PDE4A: variants seen among roughly 807,000 people sequenced by gnomAD.
PDE4A encodes 3',5'-cyclic-AMP phosphodiesterase 4A.
A neutral mutation model predicts 73.9 loss-of-function variants in PDE4A; 21 were observed. The ratio of observed to expected loss-of-function variants is 0.28; its 90% CI spans 0.20 to 0.41. The LOEUF (loss-of-function observed/expected upper bound fraction) is 0.41, where lower values mean the gene tolerates loss of function less well. Among genes scored for constraint, PDE4A ranks in the 10% least tolerant of loss-of-function variants. PDE4A has a pLI of 1.00. For missense variants in PDE4A, 958 were observed against 1,211.4 expected, an observed-to-expected ratio of 0.79 and a Z score of 3.10; for synonymous variants, 463 against 505.4, an observed-to-expected ratio of 0.92 and a Z score of 1.13.
chr19:10,465,793 C>T lies in PDE4A; in HGVS notation c.1927-1094C>T, dbSNP rs1037717041. On this transcript the variant is annotated intron_variant, in intron 14 of 14. Transcript: ENST00000380702. Reference sequence around the variant, plus strand: ...TTGGCTCACTGCAACCTCTGCCTCCCGGGTTCGAGCCATTGTCCTGCCTCA... The same window carrying T: ...TTGGCTCACTGCAACCTCTGCCTCCTGGGTTCGAGCCATTGTCCTGCCTCA... Among the ~76,000 whole-genome samples the T allele has an allele frequency of 4.9e-5, 7 of 143,778 alleles. No homozygotes were observed. The East Asian group carries it at 6.2e-4, about 13-fold the overall frequency. The allele number at this position is 143,778 out of a possible 152,430, so 94.3% of individuals were successfully genotyped here.
chr19:10,432,183 G>T lies in PDE4A; in HGVS notation c.320+11099G>T, dbSNP rs552971429. The stretch of plus-strand genomic sequence containing the variant: ...GGCCTAGGAGGGAGGAGACGGGGGG[G>T]GGGGGGGGAAGTGTGCGTCCGACTC... On this transcript the variant is annotated intron_variant, in intron 1 of 14. Transcript: ENST00000380702. 2.9e-4 allele frequency among the ~76,000 whole-genome samples: 42 copies of T among 142,618 alleles called. 1 individual carries two copies. The highest frequency in any genetic ancestry group is 6.7e-4 in the East Asian group (3 of 4,504). 93.6% of individuals were successfully genotyped at this position (142,618 alleles called of 152,430 possible).
At chr19:10,431,560 C>T (rs934778487) in intron 1 of PDE4A, among the ~76,000 whole-genome samples, 2 of 152,228 alleles carry the variant, frequency 1.3e-5, no homozygotes, top group Non-Finnish European at 2.9e-5. Context: ...CTGGGAGTGA[C>T]AGGCCCCGAG....
chr19:10,461,126 G>A, intron 11 of PDE4A, 23 bp downstream of exon 11: 1 of 1,602,052 alleles, frequency 6.2e-7, no homozygotes, highest in Non-Finnish European at 8.5e-7. Flanking sequence ...CGCCAGGGGC[G>A]GGGTTTGCTG....
chr19:10,461,358 G>A, intron 11 of PDE4A, 168 bp from the exon 12 acceptor site: 3 of 968,666 alleles, frequency 3.1e-6, no homozygotes, highest in Non-Finnish European at 3.7e-6. Flanking sequence ...GCTGGGGGCG[G>A]GGCTGGCTGG....
chr19:10,449,653 C>T (rs934154022), intron 4 of PDE4A, among the ~76,000 whole-genome samples: 3 of 152,228 alleles, frequency 2.0e-5, no homozygotes, highest in Admixed American at 6.5e-5. Flanking sequence ...AGCCTCTGCG[C>T]CCGGCCCAGA....
chr19:10,444,020 AGAT>A (rs1246648801), intron 1 of PDE4A, among the ~76,000 whole-genome samples: 29 of 151,350 alleles, frequency 1.9e-4, no homozygotes, highest in African/African-American at 6.8e-4. Flanking sequence ...AAAAAAAAAA[AGAT>A]AAATATAGAT....
chr19:10,423,728 T>G (rs1170551427), intron 1 of PDE4A, among the ~76,000 whole-genome samples: 1 of 152,178 alleles, frequency 6.6e-6, no homozygotes, highest in Non-Finnish European at 1.5e-5. Context: ...AGGGGGGACC[T>G]GGGTGGATCC....
rs746901029 is a variant in PDE4A, at chr19:10,457,876, C to T, written c.878-3C>T. On this transcript the variant is annotated splice_polypyrimidine_tract_variant and splice_region_variant and intron_variant, in intron 7 of 14. Transcript: ENST00000380702. Reference sequence around the variant, plus strand: ...ACTTGTTCCTGCTCCCCATCTTCTGCAGACAAACAGAATGAAGTGGAGATC... The same window carrying T: ...ACTTGTTCCTGCTCCCCATCTTCTGTAGACAAACAGAATGAAGTGGAGATC... 6.2e-7 allele frequency: 1 copy of T among 1,612,074 alleles called. No individual in the cohort carries two copies. Among genetic ancestry groups the T allele is most frequent in the East Asian group, 2.2e-5 (1 of 44,872 alleles).
At chr19:10,428,577 A>C (rs1169317975) in intron 1 of PDE4A, among the ~76,000 whole-genome samples, 2 of 152,216 alleles carry the variant, frequency 1.3e-5, no homozygotes, top group Non-Finnish European at 2.9e-5. Context: ...ACTGATAATA[A>C]CTGTAGCTCA....
upstream of PDE4A, chr19:10,420,527 C>T (rs2042635234): frequency 7.2e-6 from 8 of 1,114,888 alleles, no homozygotes; most frequent in Non-Finnish European, 4.4e-6. The surrounding 1 kb of genome is among the most constrained non-coding windows in gnomAD (Gnocchi z 6.0). Flanking sequence ...ACGCGGAGCG[C>T]GGAGCGCGGA....
Position 10,461,084 on chromosome 19 carries a change from C to G in PDE4A, c.1446C>G (p.Asn482Lys). 6.2e-7 allele frequency: 1 copy of G among 1,613,150 alleles called. No individual in the cohort carries two copies. The highest frequency in any genetic ancestry group is 8.5e-7 in the Non-Finnish European group (1 of 1,179,298). The change falls in exon 11 of 15, where the codon AAC (asparagine) becomes AAG (lysine). Residue 482 changes from asparagine to lysine, a missense_variant. This residue lies in a region of PDE4A where 570 missense variants were observed against 827.7 expected (regional missense o/e 0.69). Transcript: ENST00000380702. ...IHDVDHPGVS[N>K]QFLINTNSEL... The stretch of plus-strand genomic sequence containing the variant: ...ATGTGGATCACCCTGGGGTCTCCAA[C>G]CAGTTCCTCATCAACACCAGTGAGT...
chr19:10,417,879 G>A, upstream of PDE4A: 2 of 1,546,048 alleles, frequency 1.3e-6, no homozygotes, highest in Non-Finnish European at 1.7e-6. Flanking sequence ...GGTAGGAGAG[G>A]GAGCAGAGTG....
At chr19:10,457,627 C>G (rs1392064723) in intron 7 of PDE4A, among the ~76,000 whole-genome samples, 2 of 152,120 alleles carry the variant, frequency 1.3e-5, no homozygotes, top group Non-Finnish European at 1.5e-5. Flanking sequence ...CCACACCACT[C>G]TCCATCCATA....
chr19:10,450,966 C>T, intron 6 of PDE4A, 25 bp downstream of exon 6: 1 of 1,559,490 alleles, frequency 6.4e-7, no homozygotes, highest in Non-Finnish European at 8.7e-7. Context: ...GGCAGAACCC[C>T]TGGGCGGGGC....
intron 6 of PDE4A, 150 bp downstream of exon 6, chr19:10,451,091 T>A (rs528300456): frequency 2.5e-6 from 2 of 802,798 alleles, no homozygotes; most frequent in Non-Finnish European, 4.0e-6. Flanking sequence ...CTACTGGGTG[T>A]GGCTGATTAG....
chr19:10,450,718 T>C, intron 5 of PDE4A, 66 bp downstream of exon 5: 1 of 1,588,054 alleles, frequency 6.3e-7, no homozygotes, highest in East Asian at 2.3e-5. Flanking sequence ...CCTCAGCCCC[T>C]TCCCCACCCA....
rs200577325 is a variant in PDE4A, at chr19:10,446,203, G to C, written c.321-15G>C. 6.4e-7 allele frequency: 1 copy of C among 1,552,696 alleles called. No individual in the cohort carries two copies. Among genetic ancestry groups the C allele is most frequent in the East Asian group, 2.4e-5 (1 of 41,180 alleles). ...TTTCAGCCTCCTGACCCCTCTTCTC[G>C]CCCATCCCCTGCAGCTTCGAGGCAG... On this transcript the variant is annotated splice_polypyrimidine_tract_variant and intron_variant, in intron 1 of 14. Coordinates refer to ENST00000380702, the MANE Select transcript of PDE4A (RefSeq NM_001111307.2).
At chr19:10,451,179 C>G (rs2043085682) in intron 6 of PDE4A, among the ~76,000 whole-genome samples, 1 of 152,012 alleles carries the variant, frequency 6.6e-6, no homozygotes, top group Non-Finnish European at 1.5e-5. Flanking sequence ...AGGCCTGTAG[C>G]CGAGGCCAAC....
intron 6 of PDE4A, among the ~76,000 whole-genome samples, chr19:10,454,078 G>C (rs1409972049): frequency 6.6e-6 from 1 of 152,120 alleles, no homozygotes; most frequent in Non-Finnish European, 1.5e-5. Context: ...GTGCAGAGTG[G>C]CATGGGGGGA....
Sources: allele counts gnomAD v4.1 joint callset (sites outside exome capture counted in the v4.1 genomes callset), GRCh38; gene constraint gnomAD v4.1.1; regional missense constraint gnomAD v4.1.1; non-coding constraint Gnocchi (gnomAD v3.1); transcripts MANE v1.5; gene names NCBI Gene and HGNC (gene_info 2026-07-23, HGNC 2026-07-21).